The following ERICH1 variants were observed in gnomAD, a reference collection of about 807,000 sequenced individuals.
ERICH1 encodes the protein glutamate-rich protein 1.
ERICH1 carries 56 observed loss-of-function variants against 39.6 expected under a neutral mutation model. That is an observed-to-expected ratio of 1.41 (90% confidence interval 1.14 to 1.77). The LOEUF (loss-of-function observed/expected upper bound fraction) is 1.77. Among genes scored for constraint, ERICH1 ranks in the 40% most tolerant of loss-of-function variants. ERICH1 has a pLI of 0.00. For missense variants in ERICH1, 826 were observed against 575.4 expected (o/e 1.44, Z -4.45); for synonymous variants, 313 against 223.6 (o/e 1.40, Z -3.57).
chr8:650,857 C>T (rs911980791), intron 3 of ERICH1, among the ~76,000 whole-genome samples: 5 of 152,202 alleles, frequency 3.3e-5, no homozygotes, highest in South Asian at 4.1e-4. Flanking sequence ...GTGAAAGGTC[C>T]GACTGAGAGC....
chr8:632,773 C>A lies in ERICH1; in HGVS notation c.977-17489G>T, dbSNP rs77282385. ...TTCAGATCATCAGTGGGTAACATAACGCCCAAGTGGGTGACTTTGCCCTGG... is the reference window on the plus strand; with the variant it reads ...TTCAGATCATCAGTGGGTAACATAAAGCCCAAGTGGGTGACTTTGCCCTGG... On this transcript the variant is annotated intron_variant, in intron 3 of 3. Transcript: ENST00000522706. 4.2e-3 allele frequency among the ~76,000 whole-genome samples: 638 copies of A among 152,272 alleles called. 3 individuals are homozygous for A. The highest frequency in any genetic ancestry group is 0.014 in the African/African-American group (596 of 41,550).
At chr8:634,053 G>T (rs879567628) in intron 3 of ERICH1, among the ~76,000 whole-genome samples, 2 of 151,462 alleles carry the variant, frequency 1.3e-5, no homozygotes, top group African/African-American at 2.4e-5. Context: ...AAAACATTTC[G>T]TCCATCAAAT....
rs1803864964 is a variant in ERICH1 at position 673,342 on chromosome 8, G to C, written c.1010C>G (p.Ala337Gly). 1.2e-6 allele frequency: 2 copies of C among 1,613,818 alleles called. No individual in the cohort carries two copies. Among genetic ancestry groups the C allele is most frequent in the Admixed American group, 1.7e-5 (1 of 60,010 alleles). The change falls in exon 4 of 6, where the codon GCA (alanine) becomes GGA (glycine). Residue 337 changes from alanine (A) to glycine (G), a missense_variant. Transcript: ENST00000262109. ...EEDDTITNEK[A>G]HSILNFLKST... ...CTTCAAAAAATTTAGAATACTGTGT[G>C]CCTTTTCATTGGTAATTGTATCATC...
intron 1 of ERICH1, among the ~76,000 whole-genome samples, chr8:719,320 G>C (rs1288185448): frequency 6.6e-6 from 1 of 152,160 alleles, no homozygotes; most frequent in African/African-American, 2.4e-5. Flanking sequence ...CATTTTCCTT[G>C]TACTCCACCA....
At position 646,780 on chromosome 8, in the gene ERICH1, T is replaced by C. The variant is rs191595170; in HGVS notation, c.976+21818A>G. ...CAAAGGAGGGCCTGGTGGTGTCTGC[T>C]GTGAACAAGAATACAGGCGATAGGT... On this transcript the variant is annotated intron_variant, in intron 3 of 3. Coordinates refer to the ERICH1 transcript ENST00000522706. Among the ~76,000 whole-genome samples, 6 of 68,878 alleles carry C rather than the reference T, an allele frequency of 8.7e-5. 3 individuals carry two copies. Among genetic ancestry groups the C allele is most frequent in the African/African-American group, 2.2e-4 (6 of 27,374 alleles). The allele number at this position is 68,878 out of a possible 152,430, so 45.2% of individuals were successfully genotyped here. A position where few individuals can be genotyped will look rare whatever the true frequency, so the allele number is the denominator to read the frequency against.
rs192365314 is a variant in ERICH1 at position 643,739 on chromosome 8, T to A, written c.976+24859A>T. ...AGCTTGTGGGATGTGGCGTCAGGCATGGGGCGGCTCCTCAGGGCTTCTGGA... is the reference window on the plus strand; with the variant it reads ...AGCTTGTGGGATGTGGCGTCAGGCAAGGGGCGGCTCCTCAGGGCTTCTGGA... On this transcript the variant is annotated intron_variant, in intron 3 of 3. Transcript: ENST00000522706. Among the ~76,000 whole-genome samples the A allele has an allele frequency of 2.0e-5, 3 of 152,320 alleles. No homozygotes were observed. In the East Asian group the frequency reaches 5.8e-4, roughly 29 times the overall value.
At chr8:704,961 A>T (rs932491439) in intron 2 of ERICH1, among the ~76,000 whole-genome samples, 8 of 152,090 alleles carry the variant, frequency 5.3e-5, no homozygotes, top group Admixed American at 2.0e-4. Flanking sequence ...TGACAAATTT[A>T]AAAAAAAGTT....
chr8:723,897 G>C (rs1171101663), intron 1 of ERICH1, among the ~76,000 whole-genome samples: 2 of 152,022 alleles, frequency 1.3e-5, no homozygotes, highest in Admixed American at 6.6e-5. Context: ...GAATAAACTG[G>C]TAATAGAATT....
At chr8:635,346 C>T (rs988623590) in intron 3 of ERICH1, among the ~76,000 whole-genome samples, 1 of 152,192 alleles carries the variant, frequency 6.6e-6, no homozygotes, top group Non-Finnish European at 1.5e-5. Context: ...AACGGATAAA[C>T]GCCAAGCCCG....
In ERICH1 at chr8:699,610, A is replaced by G. The variant is rs1308444319; in HGVS notation, c.170-6998T>C. On this transcript the variant is annotated intron_variant, in intron 2 of 5. Transcript: ENST00000262109. ...TCCCTCCTATTTTCATCATATTTAAACAAGCTCCAGCATCCAAGATCTCAA... is the reference window on the plus strand; with the variant it reads ...TCCCTCCTATTTTCATCATATTTAAGCAAGCTCCAGCATCCAAGATCTCAA... Among the ~76,000 whole-genome samples the G allele has an allele frequency of 2.0e-5, 3 of 152,168 alleles. No individual in the cohort carries two copies. The East Asian group carries it at 5.8e-4, about 29-fold the overall frequency.
At chr8:670,808 G>C (rs1191085290) in intron 4 of ERICH1, among the ~76,000 whole-genome samples, 3 of 151,528 alleles carry the variant, frequency 2.0e-5, no homozygotes, top group Non-Finnish European at 4.4e-5. Context: ...TCCAACATCT[G>C]AGCTTACTGG....
chr8:692,843 T>A (rs929215980), intron 2 of ERICH1, among the ~76,000 whole-genome samples: 1 of 152,192 alleles, frequency 6.6e-6, no homozygotes, highest in African/African-American at 2.4e-5. Context: ...CCCATGATTG[T>A]TTGAATTCAC....
At chr8:698,691 C>T (rs1810943344) in intron 2 of ERICH1, among the ~76,000 whole-genome samples, 1 of 152,076 alleles carries the variant, frequency 6.6e-6, no homozygotes, top group African/African-American at 2.4e-5. Context: ...TCATGGCTCA[C>T]TGTCTAGAGC....
At chr8:729,655 C>G (rs1819553180) in intron 1 of ERICH1, among the ~76,000 whole-genome samples, 1 of 152,082 alleles carries the variant, frequency 6.6e-6, no homozygotes, top group Admixed American at 6.5e-5. Context: ...ATTTATTAAT[C>G]TATCCTTCCA....
rs1361917252 is a variant in ERICH1, at chr8:622,975, T to TAAATAAATAAAC, written c.977-7692_977-7691insGTTTATTTATTT. Among the ~76,000 whole-genome samples the TAAATAAATAAAC allele has an allele frequency of 1.9e-3, 292 of 151,448 alleles. 1 individual carries two copies. Among genetic ancestry groups the TAAATAAATAAAC allele is most frequent in the African/African-American group, 6.9e-3 (283 of 41,300 alleles). On this transcript the variant is annotated intron_variant, in intron 3 of 3. Coordinates refer to the ERICH1 transcript ENST00000522706. ...CGCTCTCAATAAATAAATAAATAAA[T>TAAATAAATAAAC]AAATAAATAAAACATCAATACTAAT...
chr8:720,128 G>A (rs764330394), intron 1 of ERICH1, among the ~76,000 whole-genome samples: 7 of 152,286 alleles, frequency 4.6e-5, no homozygotes, highest in South Asian at 2.1e-4. Context: ...GAAAATCACT[G>A]ACTGCTCTGC....
Position 707,311 on chromosome 8 carries a change from G to A in ERICH1, c.169+8550C>T, listed in dbSNP as rs1163867518. Among the ~76,000 whole-genome samples, 9 of 150,394 alleles carry A rather than the reference G, an allele frequency of 6.0e-5. No individual in the cohort carries two copies. In the East Asian group the frequency reaches 1.2e-3, roughly 20 times the overall value. ...CAACCTCTGCCTCCCGGGTTCAAGC[G>A]ACTCTACTGCGTCAGCCTCCCAGGT... On this transcript the variant is annotated intron_variant, in intron 2 of 5. Transcript: ENST00000262109.
At chr8:726,504 A>G (rs1477206939) in intron 1 of ERICH1, among the ~76,000 whole-genome samples, 1 of 151,844 alleles carries the variant, frequency 6.6e-6, no homozygotes, top group African/African-American at 2.4e-5. Flanking sequence ...ATGCACATAT[A>G]CATAGGCAAA....
chr8:620,051 C>T (rs1459365579), intron 3 of ERICH1, among the ~76,000 whole-genome samples: 1 of 152,330 alleles, frequency 6.6e-6, no homozygotes, highest in African/African-American at 2.4e-5. Flanking sequence ...TGGTGGCTCA[C>T]ACCTGTAATC....
Sources: allele counts gnomAD v4.1 joint callset (sites outside exome capture counted in the v4.1 genomes callset), GRCh38; gene constraint gnomAD v4.1.1; transcripts MANE v1.5; gene names NCBI Gene and HGNC (gene_info 2026-07-23, HGNC 2026-07-21).